Variants in CHAT observed in about 807,000 individuals in gnomAD.
The protein encoded by CHAT is choline O-acetyltransferase.
Under a neutral mutation model 76.9 loss-of-function variants are expected in CHAT, and 61 were observed. That is an observed-to-expected ratio of 0.79 (90% CI 0.65 to 0.98). CHAT has a LOEUF of 0.98. Among genes scored for constraint, CHAT ranks in the 50% least tolerant of loss-of-function variants. The probability of loss-of-function intolerance (pLI) is 0.00; values close to 1 mark genes in which losing one functional copy is unlikely to be tolerated. For synonymous variants in CHAT, 407 were observed against 397.4 expected, an observed-to-expected ratio of 1.02 and a Z score of -0.29; for missense variants, 946 against 986.9, an observed-to-expected ratio of 0.96 and a Z score of 0.56.
At chr10:49,649,430 A>G in intron 9 of CHAT, 78 bp from the exon 10 acceptor site, 1 of 1,604,326 alleles carries the variant, frequency 6.2e-7, no homozygotes, top group Non-Finnish European at 8.5e-7. Flanking sequence ...AGCTAAGATG[A>G]TTGCACAGAG....
At chr10:49,649,176 T>C (rs746947809) in intron 9 of CHAT, among the ~76,000 whole-genome samples, 42 of 152,308 alleles carry the variant, frequency 2.8e-4, no homozygotes, top group Non-Finnish European at 5.7e-4. Flanking sequence ...GCACAAACCT[T>C]GTAGAAGAGA....
At chr10:49,611,097 C>A, upstream of CHAT, 2 of 1,614,084 alleles carry the variant, frequency 1.2e-6, no homozygotes, top group Non-Finnish European at 1.7e-6. Flanking sequence ...CTACGGAGAG[C>A]GAAGACGTGA....
At chr10:49,639,917 C>T (rs1028654771) in intron 7 of CHAT, among the ~76,000 whole-genome samples, 6 of 152,080 alleles carry the variant, frequency 3.9e-5, no homozygotes, top group Admixed American at 1.3e-4. Flanking sequence ...AGTGTTATTC[C>T]GTCTTCAAGT....
intron 13 of CHAT, among the ~76,000 whole-genome samples, chr10:49,657,687 C>T (rs1052973902): frequency 1.3e-5 from 2 of 152,172 alleles, no homozygotes; most frequent in Non-Finnish European, 2.9e-5. Flanking sequence ...TTCAGCCACT[C>T]AGCTCCATAC....
At chr10:49,651,088 C>T (rs1044048240) in intron 10 of CHAT, among the ~76,000 whole-genome samples, 2 of 151,388 alleles carry the variant, frequency 1.3e-5, no homozygotes, top group Non-Finnish European at 2.9e-5. Flanking sequence ...TCCTGAGGGG[C>T]CCATACAAGT....
At chr10:49,629,045 C>T (rs1223921808) in intron 7 of CHAT, among the ~76,000 whole-genome samples, 1 of 152,268 alleles carries the variant, frequency 6.6e-6, no homozygotes, top group Non-Finnish European at 1.5e-5. Context: ...ATCCTTCCCG[C>T]ACACTCTGTC....
chr10:49,642,932 C>T (rs1839534849), intron 7 of CHAT, among the ~76,000 whole-genome samples: 1 of 152,232 alleles, frequency 6.6e-6, no homozygotes, highest in Non-Finnish European at 1.5e-5. Flanking sequence ...TTCAGCACTC[C>T]CTGTTGTTGC....
chr10:49,664,712 A>C, intron 14 of CHAT, 65 bp from the exon 15 acceptor site: 1 of 1,604,646 alleles, frequency 6.2e-7, no homozygotes. Context: ...AGAGAAGCCA[A>C]GCCCAGTCGA....
At chr10:49,611,708 C>T, upstream of CHAT, 1 of 1,608,358 alleles carries the variant, frequency 6.2e-7, no homozygotes. Flanking sequence ...ATGGCGGCTT[C>T]CGAGTGGGAG....
rs58788269 is a variant in CHAT at position 49,627,830 on chromosome 10, G to A, written c.1111+45G>A. 13,263 of 1,593,994 alleles carry A rather than the reference G, an allele frequency of 8.3e-3. 849 individuals are homozygous for A. The African/African-American group carries it at 0.14, about 17-fold the overall frequency. ...ACATCTCCATGCCCATCTCATGCTC[G>A]TGCCCATTGGCTTTCCCTCCTCTAG... is the stretch of plus-strand genomic sequence containing the variant. On this transcript the variant is annotated intron_variant, in intron 7 of 14. Coordinates refer to ENST00000337653, the MANE Select transcript of CHAT (RefSeq NM_020549.5).
chr10:49,635,085 C>A (rs778092753), intron 7 of CHAT, among the ~76,000 whole-genome samples: 14 of 152,158 alleles, frequency 9.2e-5, no homozygotes, highest in African/African-American at 1.4e-4. Flanking sequence ...ATAACCACAC[C>A]CACCTCACCC....
At chr10:49,613,758 G>T (rs1208540888), upstream of CHAT, among the ~76,000 whole-genome samples, 1 of 152,324 alleles carries the variant, frequency 6.6e-6, no homozygotes, top group East Asian at 1.9e-4. Context: ...CTGCCATCAG[G>T]ATTGTCCCAA....
chr10:49,660,427 G>A (rs529946910), intron 13 of CHAT, among the ~76,000 whole-genome samples: 1 of 140,628 alleles, frequency 7.1e-6, no homozygotes, highest in East Asian at 2.1e-4. Flanking sequence ...AGACGACAGA[G>A]TGAGACTCCA....
chr10:49,620,494 G>A lies in CHAT; in HGVS notation c.580-1G>A. On this transcript the variant is annotated splice_acceptor_variant, in intron 3 of 14. Coordinates refer to ENST00000337653, the MANE Select transcript of CHAT (RefSeq NM_020549.5). LOFTEE classifies it high-confidence loss of function. ...ACGGCCTTCCCTGCCCTCCCCGGCA[G>A]GTGTCTGAGTACTGGCTGAATGACA... 2 of 1,609,946 alleles carry A rather than the reference G, an allele frequency of 1.2e-6. No homozygotes were observed. Among genetic ancestry groups the A allele is most frequent in the Non-Finnish European group, 1.7e-6 (2 of 1,176,618 alleles).
chr10:49,618,944 A>G (rs1838597672), intron 2 of CHAT, among the ~76,000 whole-genome samples: 1 of 152,130 alleles, frequency 6.6e-6, no homozygotes, highest in Non-Finnish European at 1.5e-5. Context: ...ATGGATGAGG[A>G]GCAGAGGCTT....
At position 49,665,277 on chromosome 10, in the gene CHAT, T is replaced by C. The variant is rs1375152584; in HGVS notation, c.*231T>C. ...GGCTTTGGGCCTGCACACTGGGAAA[T>C]GGGACCTGCCTGGCTCAGAGGCAGC... On this transcript the variant is annotated 3_prime_UTR_variant, in exon 15 of 15. Coordinates refer to ENST00000337653, the MANE Select transcript of CHAT (RefSeq NM_020549.5). Among the ~76,000 whole-genome samples the C allele has an allele frequency of 1.7e-4, 26 of 152,122 alleles. No homozygotes were observed.
At chr10:49,621,976 A>AGCCAGGCCCT in intron 4 of CHAT, 121 bp from the exon 5 acceptor site, 1 of 1,043,568 alleles carries the variant, frequency 9.6e-7, no homozygotes, top group Non-Finnish European at 1.5e-6. Flanking sequence ...GGGAGGGAGA[A>AGCCAGGCCCT]GGGAGGGAAG....
At position 49,666,771 on chromosome 10, in the gene CHAT, A is replaced by G. The variant is rs374854458; in HGVS notation, c.*1725A>G. ...TACAAACTTAAGTCATTGGCCTGAGATTTATGCTCCTTCCCTCCCACGGCC... is the reference window on the plus strand; with the variant it reads ...TACAAACTTAAGTCATTGGCCTGAGGTTTATGCTCCTTCCCTCCCACGGCC... On this transcript the variant is annotated 3_prime_UTR_variant, in exon 15 of 15. Transcript: ENST00000337653. Among the ~76,000 whole-genome samples, 1 of 152,210 alleles carries G rather than the reference A, an allele frequency of 6.6e-6. No homozygotes were observed. The highest frequency in any genetic ancestry group is 1.9e-4 in the East Asian group (1 of 5,180).
At chr10:49,621,274 C>T (rs942655457) in intron 4 of CHAT, among the ~76,000 whole-genome samples, 10 of 152,178 alleles carry the variant, frequency 6.6e-5, no homozygotes, top group South Asian at 6.2e-4. Flanking sequence ...GGGCCCACCT[C>T]TCCTCTGGGC....
Sources: gnomAD v4.1 joint callset for allele counts (sites outside exome capture counted in the v4.1 genomes callset) on GRCh38, gnomAD v4.1.1 for gene constraint, MANE v1.5 for transcripts, NCBI Gene and HGNC (gene_info 2026-07-23, HGNC 2026-07-21) for gene names.